GNA14: variants seen among roughly 807,000 people sequenced by gnomAD.
GNA14 encodes G protein subunit alpha 14, also known as guanine nucleotide-binding protein subunit alpha-14.
Under a neutral mutation model 42.0 loss-of-function variants are expected in GNA14, and 50 were observed. That is an observed-to-expected ratio of 1.19 (90% CI 0.95 to 1.51). The LOEUF (loss-of-function observed/expected upper bound fraction) is 1.51, where lower values mean the gene tolerates loss of function less well. GNA14 is among the 40% of genes most tolerant of loss of function. The probability of loss-of-function intolerance (pLI) is 0.00; values close to 1 mark genes in which losing one functional copy is unlikely to be tolerated. For missense variants in GNA14, 473 were observed against 446.2 expected (o/e 1.06, Z -0.54); for synonymous variants, 173 against 163.1 (o/e 1.06, Z -0.46).
chr9:77,594,303 C>A (rs1310542046), intron 1 of GNA14, among the ~76,000 whole-genome samples: 5 of 152,204 alleles, frequency 3.3e-5, no homozygotes, highest in Non-Finnish European at 7.3e-5. Context: ...AAGATGGAGA[C>A]CAGGTCTGCC....
intron 1 of GNA14, among the ~76,000 whole-genome samples, chr9:77,531,452 C>T (rs560861910): frequency 6.6e-6 from 1 of 152,222 alleles, no homozygotes; most frequent in Non-Finnish European, 1.5e-5. Flanking sequence ...ATTCAAAGTC[C>T]CAAGTCAGAT....
intron 1 of GNA14, among the ~76,000 whole-genome samples, chr9:77,588,991 CTGTT>C (rs895520013): frequency 2.8e-4 from 43 of 152,308 alleles, no homozygotes; most frequent in African/African-American, 9.1e-4. Flanking sequence ...CTAAAAAGAA[CTGTT>C]TGTTTGCTTT....
At chr9:77,505,595 C>A (rs501667) in intron 2 of GNA14, among the ~76,000 whole-genome samples, 1 of 152,130 alleles carries the variant, frequency 6.6e-6, no homozygotes, top group African/African-American at 2.4e-5. Context: ...AATGAATGAA[C>A]GAACTAAGGA....
chr9:77,634,466 A>G (rs1457297499), intron 1 of GNA14, among the ~76,000 whole-genome samples: 1 of 147,426 alleles, frequency 6.8e-6, no homozygotes, highest in East Asian at 2.0e-4. Context: ...AAGGAAAGGA[A>G]GGAGGGAAGG....
chr9:77,586,423 T>C (rs928243458), intron 1 of GNA14, among the ~76,000 whole-genome samples: 2 of 152,086 alleles, frequency 1.3e-5, no homozygotes, highest in Non-Finnish European at 2.9e-5. Context: ...ATTAGAGAAA[T>C]GAAAATACAA....
rs1185337379 is a variant in GNA14, at chr9:77,527,989, T to A, written c.309+1080A>T. 2.6e-5 allele frequency among the ~76,000 whole-genome samples: 4 copies of A among 152,334 alleles called. No individual in the cohort carries two copies. The East Asian group carries it at 5.8e-4, about 22-fold the overall frequency. On this transcript the variant is annotated intron_variant, in intron 2 of 6. Transcript: ENST00000341700. ...TTACAGGGTGAAATTGTAGGCAAGA[T>A]GTGTTCCTTCATTTCTTCAGGACTG...
chr9:77,527,520 G>C (rs933141095), intron 2 of GNA14, among the ~76,000 whole-genome samples: 5 of 152,198 alleles, frequency 3.3e-5, no homozygotes, highest in Non-Finnish European at 5.9e-5. Flanking sequence ...ATCAGCTATT[G>C]TTAGCGTTAG....
At chr9:77,463,753 C>A (rs1160196617) in intron 2 of GNA14, among the ~76,000 whole-genome samples, 3 of 148,324 alleles carry the variant, frequency 2.0e-5, no homozygotes, top group Admixed American at 1.3e-4. Flanking sequence ...ACCCCAGGAA[C>A]CCCCACCAAG....
At chr9:77,434,618 G>C (rs1362322929) in intron 2 of GNA14, 96 bp from the exon 3 acceptor site, 1 of 1,115,874 alleles carries the variant, frequency 9.0e-7, no homozygotes, top group Non-Finnish European at 1.3e-6. Context: ...TGTGGATTTG[G>C]AGAGCTCTCA....
At chr9:77,572,210 G>A (rs1005026634) in intron 1 of GNA14, among the ~76,000 whole-genome samples, 4 of 152,048 alleles carry the variant, frequency 2.6e-5, no homozygotes, top group African/African-American at 4.8e-5. Flanking sequence ...ACTAAAAGAA[G>A]GGCAATCACA....
intron 1 of GNA14, among the ~76,000 whole-genome samples, chr9:77,625,964 C>A (rs1824006720): frequency 6.6e-6 from 1 of 151,952 alleles, no homozygotes; most frequent in South Asian, 2.1e-4. Flanking sequence ...AGCCAAGACC[C>A]CTTGGTGTGC....
intron 1 of GNA14, among the ~76,000 whole-genome samples, chr9:77,605,071 G>T (rs756114082): frequency 2.5e-4 from 38 of 152,200 alleles, no homozygotes; most frequent in Non-Finnish European, 3.8e-4. Context: ...AAATGTCACT[G>T]TAACTTGGTA....
intron 1 of GNA14, among the ~76,000 whole-genome samples, chr9:77,539,420 G>A (rs904975586): frequency 2.0e-5 from 3 of 152,070 alleles, no homozygotes; most frequent in African/African-American, 4.8e-5. Flanking sequence ...GTATTTAGTC[G>A]AAGACTTTTT....
chr9:77,572,121 G>C (rs528355767), intron 1 of GNA14, among the ~76,000 whole-genome samples: 178 of 152,254 alleles, frequency 1.2e-3, no homozygotes, highest in Non-Finnish European at 2.2e-3. Context: ...AGGTTAAGAA[G>C]AAAAGTCAAG....
At chr9:77,441,500 C>T (rs576808694) in intron 2 of GNA14, among the ~76,000 whole-genome samples, 21 of 152,230 alleles carry the variant, frequency 1.4e-4, no homozygotes, top group East Asian at 5.8e-4. Flanking sequence ...AATGTGAGAA[C>T]GGACTAATAC....
chr9:77,483,209 T>C (rs1003453447), intron 2 of GNA14, among the ~76,000 whole-genome samples: 25 of 152,328 alleles, frequency 1.6e-4, no homozygotes, highest in African/African-American at 6.0e-4. Flanking sequence ...TCTTTGATGA[T>C]GGTGACGTAC....
At chr9:77,474,978 T>C (rs547445641) in intron 2 of GNA14, among the ~76,000 whole-genome samples, 2 of 146,900 alleles carry the variant, frequency 1.4e-5, no homozygotes, top group South Asian at 2.1e-4. Flanking sequence ...GGATTAGTTG[T>C]CACCTAGGAC....
At chr9:77,467,529 T>A (rs552816033) in intron 2 of GNA14, among the ~76,000 whole-genome samples, 2 of 150,774 alleles carry the variant, frequency 1.3e-5, no homozygotes, top group Non-Finnish European at 3.0e-5. Flanking sequence ...TTCATGGAGC[T>A]ACCAGCCCCC....
At chr9:77,542,637 G>A (rs12351096) in intron 1 of GNA14, among the ~76,000 whole-genome samples, 7,923 of 152,200 alleles carry the variant, frequency 0.052, 622 homozygotes, top group African/African-American at 0.17. Flanking sequence ...AGCCCAGTGG[G>A]ACCCAAATGG....
Sources: allele counts gnomAD v4.1 joint callset (sites outside exome capture counted in the v4.1 genomes callset), GRCh38; gene constraint gnomAD v4.1.1; transcripts MANE v1.5; gene names NCBI Gene and HGNC (gene_info 2026-07-23, HGNC 2026-07-21).